The following MACF1 variants were observed in gnomAD, a reference collection of about 807,000 sequenced individuals.
MACF1 encodes the protein microtubule actin crosslinking factor 1, also known as microtubule-actin cross-linking factor 1.
In MACF1, 193 loss-of-function variants were observed where a neutral mutation model predicts 854.8. The ratio of observed to expected loss-of-function variants is 0.23; its 90% CI spans 0.20 to 0.25. The LOEUF (loss-of-function observed/expected upper bound fraction) is 0.25, where lower values mean the gene tolerates loss of function less well. Ranked by LOEUF, MACF1 falls within the 10% of genes least tolerant of loss-of-function variation. The pLI is 1.00. For missense variants in MACF1, 7,722 were observed against 8,929.1 expected (o/e 0.86, Z 5.45); for synonymous variants, 3,185 against 3,226.7 (o/e 0.99, Z 0.44).
At chr1:39,138,376 G>A (rs1203798388) in intron 2 of MACF1, among the ~76,000 whole-genome samples, 1 of 151,854 alleles carries the variant, frequency 6.6e-6, no homozygotes, top group Non-Finnish European at 1.5e-5. Context: ...AAGGTCAGGA[G>A]ATCGAGACTA....
intron 28 of MACF1, 88 bp downstream of exon 28, chr1:39,316,617 A>C: frequency 5.2e-6 from 7 of 1,344,436 alleles, no homozygotes; most frequent in Non-Finnish European, 7.1e-6. Flanking sequence ...ATGGCATGAC[A>C]CTGATTTAAA....
At chr1:39,171,195 CTTTCTG>C (rs1270305474) in intron 2 of MACF1, among the ~76,000 whole-genome samples, 2 of 140,754 alleles carry the variant, frequency 1.4e-5, no homozygotes, top group African/African-American at 5.0e-5. Context: ...TAATTGTAAT[CTTTCTG>C]TTTGTGTGTG....
chr1:39,192,719 ACTAAT>A (rs1557509674), intron 2 of MACF1, among the ~76,000 whole-genome samples: 3 of 152,250 alleles, frequency 2.0e-5, no homozygotes, highest in African/African-American at 4.8e-5. Flanking sequence ...TAAGAGAAAC[ACTAAT>A]CTAGTGATAA....
intron 2 of MACF1, among the ~76,000 whole-genome samples, chr1:39,183,620 C>G (rs985042871): frequency 2.0e-5 from 3 of 152,200 alleles, no homozygotes; most frequent in African/African-American, 7.2e-5. Context: ...AAGGTGAGCA[C>G]TCTGAAGTTG....
chr1:39,194,972 G>C (rs1257877705), intron 2 of MACF1, among the ~76,000 whole-genome samples: 1 of 152,154 alleles, frequency 6.6e-6, no homozygotes, highest in Non-Finnish European at 1.5e-5. Context: ...GGGATTACAG[G>C]GGTGAGCCAC....
At chr1:39,473,682 C>A (rs1644821044) in intron 97 of MACF1, among the ~76,000 whole-genome samples, 1 of 130,958 alleles carries the variant, frequency 7.6e-6, no homozygotes, top group African/African-American at 2.9e-5. Flanking sequence ...GTTGCGAGAT[C>A]CATTCCTTGA....
At chr1:39,187,268 C>A (rs1456923858) in intron 2 of MACF1, among the ~76,000 whole-genome samples, 1 of 152,150 alleles carries the variant, frequency 6.6e-6, no homozygotes, top group Non-Finnish European at 1.5e-5. Flanking sequence ...CACTTGTTTA[C>A]TGATCTATGT....
intron 84 of MACF1, among the ~76,000 whole-genome samples, chr1:39,449,848 A>G (rs1644302168): frequency 6.7e-6 from 1 of 150,262 alleles, no homozygotes; most frequent in Admixed American, 6.6e-5. Flanking sequence ...GTGCCACCAT[A>G]CCTGGTTAAT....
At chr1:39,138,571 A>T (rs990262920) in intron 2 of MACF1, among the ~76,000 whole-genome samples, 1 of 151,568 alleles carries the variant, frequency 6.6e-6, no homozygotes, top group Non-Finnish European at 1.5e-5. Flanking sequence ...GGCGACAGAG[A>T]GAGACTCTGT....
intron 89 of MACF1, chr1:39,457,002 G>A (rs1369896048): frequency 6.6e-6 from 1 of 152,040 alleles, no homozygotes; most frequent in Non-Finnish European, 1.5e-5. Context: ...TTTTTAGCTG[G>A]TTCCTCTTCC....
At chr1:39,412,955 C>T in intron 58 of MACF1, 1 of 1,595,080 alleles carries the variant, frequency 6.3e-7, no homozygotes, top group African/African-American at 1.3e-5. Flanking sequence ...GAGGATGTCA[C>T]AGCTGCTGCA....
intron 2 of MACF1, among the ~76,000 whole-genome samples, chr1:39,158,974 C>T (rs546930173): frequency 7.9e-5 from 12 of 152,282 alleles, no homozygotes; most frequent in South Asian, 2.1e-4. Flanking sequence ...CGGGCATGAA[C>T]GCTTACAAGT....
chr1:39,324,428 G>A, intron 34 of MACF1, 83 bp downstream of exon 34: 1 of 1,502,722 alleles, frequency 6.7e-7, no homozygotes, highest in East Asian at 2.3e-5. Context: ...GTCACATGTG[G>A]GCCATTCCAG....
At chr1:39,434,944 T>C (rs1228246469) in intron 69 of MACF1, among the ~76,000 whole-genome samples, 6 of 152,208 alleles carry the variant, frequency 3.9e-5, no homozygotes, top group Middle Eastern at 3.2e-3. Context: ...AAGGTATGGT[T>C]GGACAGTACT....
chr1:39,368,862 A>G (rs1045314776), intron 50 of MACF1, among the ~76,000 whole-genome samples: 3 of 151,922 alleles, frequency 2.0e-5, no homozygotes, highest in Admixed American at 6.6e-5. Context: ...TCTCTTTGTG[A>G]TCAGAAGCCT....
intron 2 of MACF1, among the ~76,000 whole-genome samples, chr1:39,093,163 CCCG>C (rs1641850187): frequency 6.6e-6 from 1 of 152,062 alleles, no homozygotes. Flanking sequence ...GGGACTTCTC[CCCG>C]CCAGCAAGTT....
At chr1:39,477,073 A>ATATACACTTAGTG (rs1553457850) in intron 97 of MACF1, among the ~76,000 whole-genome samples, 6,674 of 37,174 alleles carry the variant, frequency 0.18, 806 homozygotes, top group Non-Finnish European at 0.22. Flanking sequence ...ATATATATAT[A>ATATACACTTAGTG]TATATATATA....
chr1:39,471,351 T>C (rs1644773111), intron 97 of MACF1, among the ~76,000 whole-genome samples: 1 of 152,198 alleles, frequency 6.6e-6, no homozygotes, highest in South Asian at 2.1e-4. Flanking sequence ...GAAACAGTGC[T>C]TATGGTAGGT....
chr1:39,340,745 C>T (rs1430752610), intron 39 of MACF1, 28 bp downstream of exon 39: 1 of 1,612,508 alleles, frequency 6.2e-7, no homozygotes, highest in African/African-American at 1.3e-5. Context: ...TTCATAAAGG[C>T]TCACAAAGTC....
Sources: gnomAD v4.1 joint callset for allele counts (sites outside exome capture counted in the v4.1 genomes callset) on GRCh38, gnomAD v4.1.1 for gene constraint, MANE v1.5 for transcripts, NCBI Gene and HGNC (gene_info 2026-07-23, HGNC 2026-07-21) for gene names.